Variants in NR2E1 observed in about 807,000 individuals in gnomAD.
NR2E1 encodes the protein nuclear receptor TLX.
A neutral mutation model predicts 43.6 loss-of-function variants in NR2E1; 5 were observed. The observed-to-expected ratio is 0.11, with a 90% CI of 0.06 to 0.24. The LOEUF (loss-of-function observed/expected upper bound fraction) is 0.24, where lower values mean the gene tolerates loss of function less well. Among genes scored for constraint, NR2E1 ranks in the 10% least tolerant of loss-of-function variants. NR2E1 has a pLI of 1.00. For missense variants in NR2E1, 287 were observed against 496.7 expected (o/e 0.58, Z 4.01); for synonymous variants, 191 against 195.5 (o/e 0.98, Z 0.19).
In NR2E1 at chr6:108,174,744, G is replaced by A. The variant is rs570604540; in HGVS notation, c.172-92G>A. The A allele has an allele frequency of 3.8e-6, 4 of 1,052,192 alleles. No individual in the cohort carries two copies. In the East Asian group the frequency reaches 7.4e-5, roughly 19 times the overall value. 65.2% of individuals were successfully genotyped at this position (1,052,192 alleles called of 1,614,324 possible). On this transcript the variant is annotated intron_variant, in intron 2 of 8. Coordinates refer to ENST00000368986, the MANE Select transcript of NR2E1 (RefSeq NM_003269.5). ...CCAGGGCCTGCGGCCGGGCAAGGTC[G>A]CGCCTCCACACCGTTTCCCCGCCCG... is the stretch of plus-strand genomic sequence containing the variant.
chr6:108,166,826 C>A lies in NR2E1; in HGVS notation c.25+36C>A. On this transcript the variant is annotated intron_variant, in intron 1 of 8. Coordinates refer to ENST00000368986, the MANE Select transcript of NR2E1 (RefSeq NM_003269.5). This position sits in a 1 kb window ranked among gnomAD's most constrained non-coding sequence, Gnocchi z 7.2. The stretch of plus-strand genomic sequence containing the variant: ...CTCGGGCCGCCGTGGGGCCTAGGCG[C>A]GCAGCCTGGGGCGAGCGAGCGGGGA... 3 of 1,581,682 alleles carry A rather than the reference C, an allele frequency of 1.9e-6. No individual in the cohort carries two copies. The highest frequency in any genetic ancestry group is 1.7e-6 in the Non-Finnish European group (2 of 1,167,334).
At position 108,180,109 on chromosome 6, in the gene NR2E1, T is replaced by C. The variant is rs1419052673; in HGVS notation, c.643-214T>C. ...TCTGAGAGAAGGAAACTTTGGAGAATTGGAATGGCTGACTCTCAAATCCAT... is the reference window on the plus strand; with the variant it reads ...TCTGAGAGAAGGAAACTTTGGAGAACTGGAATGGCTGACTCTCAAATCCAT... On this transcript the variant is annotated intron_variant, in intron 5 of 8. Transcript: ENST00000368986. This position sits in a 1 kb window ranked among gnomAD's most constrained non-coding sequence, Gnocchi z 5.4. Among the ~76,000 whole-genome samples, 2 of 152,104 alleles carry C rather than the reference T, an allele frequency of 1.3e-5. No individual in the cohort carries two copies. Among genetic ancestry groups the C allele is most frequent in the African/African-American group, 4.8e-5 (2 of 41,420 alleles).
chr6:108,167,783 C>G (rs1773735524), intron 1 of NR2E1, among the ~76,000 whole-genome samples: 1 of 151,894 alleles, frequency 6.6e-6, no homozygotes, highest in Non-Finnish European at 1.5e-5. Context: ...GCATTTTTGG[C>G]GCTCTGTGCG....
At chr6:108,184,753 C>T (rs2114683026) in intron 8 of NR2E1, among the ~76,000 whole-genome samples, 1 of 152,172 alleles carries the variant, frequency 6.6e-6, no homozygotes, top group Non-Finnish European at 1.5e-5. Context: ...TTAACAACAG[C>T]CTATTTTAGA....
chr6:108,177,664 A>G (rs1358330416), intron 4 of NR2E1, among the ~76,000 whole-genome samples: 1 of 152,258 alleles, frequency 6.6e-6, no homozygotes, highest in African/African-American at 2.4e-5. Context: ...ATATTTCCAT[A>G]ATATACTAAT....
At chr6:108,174,452 G>T (rs1582444260) in intron 2 of NR2E1, among the ~76,000 whole-genome samples, 1 of 152,050 alleles carries the variant, frequency 6.6e-6, no homozygotes, top group African/African-American at 2.4e-5. Flanking sequence ...GGGCCAAGTC[G>T]CTGTCTTCGG....
chr6:108,166,512 A>G lies in NR2E1; in HGVS notation c.-254A>G. ...TCTGTCTGTCCATGTGTGTGTCCAT[A>G]TCAAGCAGCATTCCCAGCAGCTGCG... On this transcript the variant is annotated 5_prime_UTR_variant, in exon 1 of 9. The change creates a new upstream start codon in the 5' untranslated region. Transcript: ENST00000368986. The surrounding 1 kb of genome is among the most constrained non-coding windows in gnomAD (Gnocchi z 7.2). 1 of 486,778 alleles carries G rather than the reference A, an allele frequency of 2.1e-6. No homozygotes were observed. The highest frequency in any genetic ancestry group is 3.1e-5 in the South Asian group (1 of 32,158). 30.2% of individuals were successfully genotyped at this position (486,778 alleles called of 1,614,324 possible).
At chr6:108,177,593 A>T (rs1773921188) in intron 4 of NR2E1, among the ~76,000 whole-genome samples, 1 of 152,262 alleles carries the variant, frequency 6.6e-6, no homozygotes, top group Admixed American at 6.5e-5. Flanking sequence ...AAGTAGTGTT[A>T]TGAATATGTT....
At chr6:108,170,660 C>A (rs1773797348) in intron 1 of NR2E1, among the ~76,000 whole-genome samples, 1 of 152,050 alleles carries the variant, frequency 6.6e-6, no homozygotes, top group African/African-American at 2.4e-5. Context: ...GAGATCCACA[C>A]AGGACCAAGT....
chr6:108,170,334 A>C (rs977364071), intron 1 of NR2E1, among the ~76,000 whole-genome samples: 41 of 152,356 alleles, frequency 2.7e-4, no homozygotes, highest in African/African-American at 9.1e-4. Flanking sequence ...TAAAGTGTTA[A>C]TTAAGTTAAC....
chr6:108,176,970 C>T (rs1773910039), intron 4 of NR2E1, among the ~76,000 whole-genome samples: 1 of 152,180 alleles, frequency 6.6e-6, no homozygotes, highest in East Asian at 1.9e-4. Context: ...GTGTGCACTC[C>T]GGATCTTATC....
chr6:108,178,368 G>T, intron 5 of NR2E1, 127 bp downstream of exon 5: 3 of 940,992 alleles, frequency 3.2e-6, no homozygotes, highest in Non-Finnish European at 5.1e-6. Flanking sequence ...ATAGCAGTGA[G>T]GAAACTACTT....
chr6:108,168,494 CGGACTTTGGG>C (rs1773751407), intron 1 of NR2E1, among the ~76,000 whole-genome samples: 1 of 152,260 alleles, frequency 6.6e-6, no homozygotes, highest in Non-Finnish European at 1.5e-5. Context: ...GCCAACCCTC[CGGACTTTGGG>C]GGAAAAACCA....
chr6:108,180,791 C>A lies in NR2E1; in HGVS notation c.740-16C>A. 1 of 1,612,372 alleles carries A rather than the reference C, an allele frequency of 6.2e-7. No homozygotes were observed. The highest frequency in any genetic ancestry group is 8.5e-7 in the Non-Finnish European group (1 of 1,178,472). ...TGCCTTCATATTAGAGTATTTATCC[C>A]ATATTTTTATTCTAGGCATGAACGG... On this transcript the variant is annotated splice_polypyrimidine_tract_variant and intron_variant, in intron 6 of 8. Transcript: ENST00000368986. The surrounding 1 kb of genome is among the most constrained non-coding windows in gnomAD (Gnocchi z 5.4).
chr6:108,171,788 G>A (rs1773816613), intron 2 of NR2E1, among the ~76,000 whole-genome samples, 185 bp downstream of exon 2: 1 of 151,676 alleles, frequency 6.6e-6, no homozygotes, highest in African/African-American at 2.4e-5. Flanking sequence ...GGCGGGAAGA[G>A]GTAAGGGAAG....
intron 2 of NR2E1, among the ~76,000 whole-genome samples, chr6:108,172,771 G>GT (rs1773833244): frequency 6.6e-6 from 1 of 152,170 alleles, no homozygotes; most frequent in Non-Finnish European, 1.5e-5. Context: ...TTTTCTAATA[G>GT]TTTTGGATTA....
intron 1 of NR2E1, chr6:108,167,976 G>A (rs1159018393): frequency 2.6e-6 from 4 of 1,547,406 alleles, no homozygotes; most frequent in Non-Finnish European, 3.5e-6. Context: ...TTTGGGTGCT[G>A]ACCTTTAAAA....
chr6:108,170,561 G>C (rs967465324), intron 1 of NR2E1, among the ~76,000 whole-genome samples: 1 of 151,414 alleles, frequency 6.6e-6, no homozygotes, highest in Non-Finnish European at 1.5e-5. Flanking sequence ...GTCCATGGGG[G>C]GTGGGGGGAT....
intron 1 of NR2E1, among the ~76,000 whole-genome samples, chr6:108,170,641 CG>C (rs1773796993): frequency 6.9e-6 from 1 of 144,696 alleles, no homozygotes; most frequent in Admixed American, 6.9e-5. Context: ...TGGAAAAAAC[CG>C]GGAGGAAGAG....
Sources: allele counts gnomAD v4.1 joint callset (sites outside exome capture counted in the v4.1 genomes callset), GRCh38; gene constraint gnomAD v4.1.1; non-coding constraint Gnocchi (gnomAD v3.1); transcripts MANE v1.5; gene names NCBI Gene and HGNC (gene_info 2026-07-23, HGNC 2026-07-21).